The following SBK1 variants were observed in gnomAD, a reference collection of about 807,000 sequenced individuals.
SBK1 encodes the protein SH3 domain binding kinase 1.
A neutral mutation model predicts 24.4 loss-of-function variants in SBK1; 11 were observed. The observed-to-expected ratio is 0.45, with a 90% CI of 0.28 to 0.75. The LOEUF is 0.75. SBK1 is among the 30% of genes least tolerant of loss of function. The pLI is 0.12. For synonymous variants in SBK1, 308 were observed against 284.4 expected, an observed-to-expected ratio of 1.08 and a Z score of -0.83; for missense variants, 467 against 620.5, an observed-to-expected ratio of 0.75 and a Z score of 2.63.
At chr16:28,297,437 A>G (rs982500590) in intron 1 of SBK1, among the ~76,000 whole-genome samples, 13 of 152,202 alleles carry the variant, frequency 8.5e-5, no homozygotes, top group African/African-American at 2.9e-4. Flanking sequence ...CACTGGGCAC[A>G]GCTCTAGAAG....
Position 28,293,155 on chromosome 16 carries a change from T to C in SBK1, c.-153T>C. 1 of 985,036 alleles carries C rather than the reference T, an allele frequency of 1.0e-6. No individual in the cohort carries two copies. Among genetic ancestry groups the C allele is most frequent in the Non-Finnish European group, 1.2e-6 (1 of 830,006 alleles). The allele number at this position is 985,036 out of a possible 1,614,324, so 61.0% of individuals were successfully genotyped here. A position where few individuals can be genotyped will look rare whatever the true frequency, so the allele number is the denominator to read the frequency against. On this transcript the variant is annotated 5_prime_UTR_variant, in exon 1 of 4. Transcript: ENST00000341901. ...GCCTCGGGGATCCCCCCCCTAAAGCTCCAGGACTTGGGCGACTGAGCCCCT... is the reference window on the plus strand; with the variant it reads ...GCCTCGGGGATCCCCCCCCTAAAGCCCCAGGACTTGGGCGACTGAGCCCCT...
At chr16:28,315,178 C>T (rs995270204) in intron 1 of SBK1, among the ~76,000 whole-genome samples, 1 of 151,050 alleles carries the variant, frequency 6.6e-6, no homozygotes, top group Admixed American at 6.6e-5. Context: ...CTACCTCTCT[C>T]CATTTACAGA....
intron 1 of SBK1, among the ~76,000 whole-genome samples, chr16:28,267,845 T>G (rs1025019727): frequency 6.6e-6 from 1 of 152,198 alleles, no homozygotes; most frequent in Non-Finnish European, 1.5e-5. Flanking sequence ...AAGAAGGGCT[T>G]AAATCCTCAA....
chr16:28,269,295 A>G (rs1267572427), intron 1 of SBK1, among the ~76,000 whole-genome samples: 3 of 150,664 alleles, frequency 2.0e-5, no homozygotes, highest in Non-Finnish European at 4.4e-5. Flanking sequence ...TCGGCCTCCC[A>G]AAGTGCTGGG....
Position 28,320,333 on chromosome 16 carries a change from G to A in SBK1, c.687G>A (p.Ala229=). The A allele has an allele frequency of 6.3e-7, 1 of 1,592,360 alleles. No individual in the cohort carries two copies. The highest frequency in any genetic ancestry group is 1.1e-5 in the South Asian group (1 of 90,732). Reference sequence around the variant, plus strand: ...AGGCGGGCCGCGCCGACGGGCTGGCGGTGGACACGGGCGTGGACGTGTGGG... The same window carrying A: ...AGGCGGGCCGCGCCGACGGGCTGGCAGTGGACACGGGCGTGGACGTGTGGG... ...VCQAGRADGL[A]VDTGVDVWAF... The change falls in exon 4 of 4, where the codon GCG becomes GCA. Residue 229 remains alanine (A), a synonymous_variant. Transcript: ENST00000341901. This position sits in a 1 kb window ranked among gnomAD's most constrained non-coding sequence, Gnocchi z 8.5.
At position 28,321,220 on chromosome 16, in the gene SBK1, CACACACACACACACACA is replaced by C. The variant is rs2044844966; in HGVS notation, c.*300_*316del. 2 of 171,532 alleles carry C rather than the reference CACACACACACACACACA, an allele frequency of 1.2e-5. No homozygotes were observed. Among genetic ancestry groups the C allele is most frequent in the African/African-American group, 2.4e-5 (1 of 41,128 alleles). 10.6% of individuals were successfully genotyped at this position (171,532 alleles called of 1,614,324 possible). ...ACACACACACACACACACACACACA[CACACACACACACACACA>C]CGCCAGGAGCAAGGGAGCTTTCGGG... is the stretch of plus-strand genomic sequence containing the variant. On this transcript the variant is annotated 3_prime_UTR_variant, in exon 4 of 4. Transcript: ENST00000341901.
intron 1 of SBK1, among the ~76,000 whole-genome samples, chr16:28,264,789 AG>A (rs1028309520): frequency 2.6e-5 from 4 of 151,974 alleles, no homozygotes; most frequent in African/African-American, 9.7e-5. Context: ...GCTCCAGGAC[AG>A]GGCCCTGAGG....
At chr16:28,298,810 G>A (rs1004703265) in intron 1 of SBK1, among the ~76,000 whole-genome samples, 1 of 152,226 alleles carries the variant, frequency 6.6e-6, no homozygotes, top group East Asian at 1.9e-4. Context: ...CCAAGGGGCT[G>A]GGAGACAGGG....
In SBK1 at chr16:28,322,277, G is replaced by A. The variant is rs1276654022; in HGVS notation, c.*1356G>A. ...TTGCACCACAGCCCTCAGGAAATCC[G>A]GCAAGGAGGCCCCTGCAGGTTGGTT... On this transcript the variant is annotated 3_prime_UTR_variant, in exon 4 of 4. Coordinates refer to ENST00000341901, the MANE Select transcript of SBK1 (RefSeq NM_001024401.3). 3.3e-5 allele frequency: 5 copies of A among 152,352 alleles called. No homozygotes were observed. The highest frequency in any genetic ancestry group is 1.9e-4 in the East Asian group (1 of 5,258). The allele number at this position is 152,352 out of a possible 1,614,324, so 9.4% of individuals were successfully genotyped here.
chr16:28,286,250 G>C (rs1342218346), intron 1 of SBK1: 1 of 152,302 alleles, frequency 6.6e-6, no homozygotes, highest in African/African-American at 2.4e-5. Flanking sequence ...CACTACAAAA[G>C]ACCATTGTGC....
chr16:28,266,871 G>C, intron 1 of SBK1, among the ~76,000 whole-genome samples: 1 of 151,614 alleles, frequency 6.6e-6, no homozygotes, highest in Non-Finnish European at 1.5e-5. Flanking sequence ...CCCCCAAGTA[G>C]CTGGGACTAC....
At position 28,293,196 on chromosome 16, in the gene SBK1, A is replaced by G. The variant is rs1027747295; in HGVS notation, c.-112A>G. 1.6e-4 allele frequency: 160 copies of G among 985,150 alleles called. No individual in the cohort carries two copies. The highest frequency in any genetic ancestry group is 1.8e-4 in the Non-Finnish European group (149 of 829,884). 61.0% of individuals were successfully genotyped at this position (985,150 alleles called of 1,614,324 possible). On this transcript the variant is annotated 5_prime_UTR_variant, in exon 1 of 4. Transcript: ENST00000341901. Reference sequence around the variant, plus strand: ...CTGAGCCCCTGGCGGCACCGCTTGCACCCCGGTCCATGGTCGTGGCGCCCT... The same window carrying G: ...CTGAGCCCCTGGCGGCACCGCTTGCGCCCCGGTCCATGGTCGTGGCGCCCT...
chr16:28,300,633 A>G (rs1399466457), intron 1 of SBK1, among the ~76,000 whole-genome samples: 1 of 152,100 alleles, frequency 6.6e-6, no homozygotes, highest in Non-Finnish European at 1.5e-5. Flanking sequence ...CAAGCTTCCT[A>G]TCTCAGAGTC....
chr16:28,300,448 T>A (rs1250488908), intron 1 of SBK1, among the ~76,000 whole-genome samples: 1 of 152,058 alleles, frequency 6.6e-6, no homozygotes, highest in Non-Finnish European at 1.5e-5. Flanking sequence ...GCCTCCCGAC[T>A]AGCTAGGACC....
intron 1 of SBK1, among the ~76,000 whole-genome samples, chr16:28,299,820 G>T (rs908126078): frequency 1.3e-5 from 2 of 152,212 alleles, no homozygotes; most frequent in African/African-American, 4.8e-5. Context: ...CCAGGTCCCC[G>T]CCATGGCCTC....
rs529640764 is a variant in SBK1, at chr16:28,317,113, C to A, written c.-7-272C>A. 8.5e-5 allele frequency among the ~76,000 whole-genome samples: 13 copies of A among 152,232 alleles called. No individual in the cohort carries two copies. Among genetic ancestry groups the A allele is most frequent in the African/African-American group, 1.2e-4 (5 of 41,476 alleles). On this transcript the variant is annotated intron_variant, in intron 1 of 3. Coordinates refer to ENST00000341901, the MANE Select transcript of SBK1 (RefSeq NM_001024401.3). The surrounding 1 kb of genome is among the most constrained non-coding windows in gnomAD (Gnocchi z 4.2). ...ACATAAACAGGGGCCTTGCCTGACACTGTGTGTGGGTGGCAGCATGAGGCA... is the reference window on the plus strand; with the variant it reads ...ACATAAACAGGGGCCTTGCCTGACAATGTGTGTGGGTGGCAGCATGAGGCA...
intron 1 of SBK1, among the ~76,000 whole-genome samples, chr16:28,283,780 A>T (rs1281162107): frequency 6.6e-6 from 1 of 152,166 alleles, no homozygotes; most frequent in Non-Finnish European, 1.5e-5. Flanking sequence ...TGCCAGACCC[A>T]GCTGGTCACT....
In SBK1 at chr16:28,293,300, G is replaced by C. The variant is rs1317851510; in HGVS notation, c.-8G>C. On this transcript the variant is annotated splice_region_variant and 5_prime_UTR_variant, in exon 1 of 4. Transcript: ENST00000341901. Reference sequence around the variant, plus strand: ...GCGGCGTCCCCGCGGCCCCAGCCCAGGTAAGCCGGGCCCAGGTGAGGGGCG... The same window carrying C: ...GCGGCGTCCCCGCGGCCCCAGCCCACGTAAGCCGGGCCCAGGTGAGGGGCG... The C allele has an allele frequency of 2.0e-6, 2 of 985,182 alleles. No homozygotes were observed. The highest frequency in any genetic ancestry group is 1.7e-5 in the African/African-American group (1 of 57,232). 61.0% of individuals were successfully genotyped at this position (985,182 alleles called of 1,614,324 possible).
rs953631945 is a variant in SBK1 at position 28,259,718 on chromosome 16, A to C, written c.257+216A>C. Among the ~76,000 whole-genome samples, 2 of 151,894 alleles carry C rather than the reference A, an allele frequency of 1.3e-5. No homozygotes were observed. The highest frequency in any genetic ancestry group is 2.9e-5 in the Non-Finnish European group (2 of 67,986). On this transcript the variant is annotated intron_variant, in intron 1 of 3. Coordinates refer to the SBK1 transcript ENST00000671413. The surrounding 1 kb of genome is among the most constrained non-coding windows in gnomAD (Gnocchi z 6.0). ...CCACCCTAGCCCCAGAGTGGCTTTC[A>C]CGTCCTCTCCCACAGTGAGCATGTC...
Sources: gnomAD v4.1 joint callset for allele counts (sites outside exome capture counted in the v4.1 genomes callset) on GRCh38, gnomAD v4.1.1 for gene constraint, Gnocchi (gnomAD v3.1) non-coding constraint, MANE v1.5 for transcripts, NCBI Gene and HGNC (gene_info 2026-07-23, HGNC 2026-07-21) for gene names.